Variants in MLPH observed in about 807,000 individuals in gnomAD.
MLPH encodes the protein melanophilin.
In MLPH, 51 loss-of-function variants were observed where a neutral mutation model predicts 72.1. That is an observed-to-expected ratio of 0.71 (90% CI 0.56 to 0.89). The LOEUF (loss-of-function observed/expected upper bound fraction) is 0.89, where lower values mean the gene tolerates loss of function less well. MLPH is among the 40% of genes least tolerant of loss of function. MLPH has a pLI of 0.00. For missense variants in MLPH, 743 were observed against 759.9 expected, an observed-to-expected ratio of 0.98 and a Z score of 0.26; for synonymous variants, 301 against 310.1, an observed-to-expected ratio of 0.97 and a Z score of 0.31.
Position 237,554,139 on chromosome 2 carries a change from T to C in MLPH, c.*547T>C, listed in dbSNP as rs2325813. 60,512 of 255,962 alleles carry C rather than the reference T, an allele frequency of 0.24. 10,237 individuals are homozygous for C. The highest frequency in any genetic ancestry group is 0.53 in the African/African-American group (24,065 of 45,424). The allele number at this position is 255,962 out of a possible 1,614,324, so 15.9% of individuals were successfully genotyped here. A position where few individuals can be genotyped will look rare whatever the true frequency, so the allele number is the denominator to read the frequency against. On this transcript the variant is annotated 3_prime_UTR_variant, in exon 16 of 16. Coordinates refer to ENST00000264605, the MANE Select transcript of MLPH (RefSeq NM_024101.7). ...AATGAAGGAGGAATAGACACCCCAGTCCCCACCCTACGTGCACCCGCTCTG... is the reference window on the plus strand; with the variant it reads ...AATGAAGGAGGAATAGACACCCCAGCCCCCACCCTACGTGCACCCGCTCTG...
intron 1 of MLPH, among the ~76,000 whole-genome samples, chr2:237,488,843 G>T (rs543729417): frequency 6.6e-6 from 1 of 152,186 alleles, no homozygotes; most frequent in South Asian, 2.1e-4. Flanking sequence ...CAACCACAAT[G>T]CAATAACGGC....
chr2:237,552,480 T>C (rs1480941258), intron 15 of MLPH, 43 bp downstream of exon 15: 2 of 1,512,594 alleles, frequency 1.3e-6, no homozygotes, highest in African/African-American at 2.7e-5. Context: ...TAAAGTTCAG[T>C]GACCCGTCAG....
At chr2:237,545,536 G>A (rs1192082440) in intron 12 of MLPH, 6 of 1,288,780 alleles carry the variant, frequency 4.7e-6, no homozygotes, top group African/African-American at 4.6e-5. Flanking sequence ...TCCAAAAGGA[G>A]CCGCCTGAAT....
intron 8 of MLPH, among the ~76,000 whole-genome samples, chr2:237,532,186 GC>G (rs2080433690): frequency 6.6e-6 from 1 of 152,200 alleles, no homozygotes; most frequent in Non-Finnish European, 1.5e-5. Flanking sequence ...CTCTCAATCT[GC>G]CCATCAACCC....
intron 8 of MLPH, 120 bp from the exon 9 acceptor site, chr2:237,534,444 T>C (rs1317699449): frequency 7.4e-6 from 6 of 813,820 alleles, no homozygotes; most frequent in South Asian, 4.1e-5. Flanking sequence ...TCATGGGTGG[T>C]GGCCTTAGCT....
Position 237,540,820 on chromosome 2 carries a change from C to G in MLPH, c.1309C>G (p.Gln437Glu). 1.2e-6 allele frequency: 2 copies of G among 1,613,282 alleles called. No individual in the cohort carries two copies. Among genetic ancestry groups the G allele is most frequent in the Non-Finnish European group, 1.7e-6 (2 of 1,179,980 alleles). The change falls in exon 11 of 16, where the codon CAA (glutamine) becomes GAA (glutamate). Residue 437 changes from glutamine to glutamate, a missense_variant. By Grantham distance (29) the Gln-to-Glu change is conservative. Coordinates refer to ENST00000264605, the MANE Select transcript of MLPH (RefSeq NM_024101.7). ...TTCCTAGGTGGGCACGGCTGCCCAT[C>G]AAACCAACAGACAGGAAAAAAGCCC... ...ADPEVGTAAH[Q>E]TNRQEKSPQD...
chr2:237,534,440 G>A, intron 8 of MLPH, 124 bp from the exon 9 acceptor site: 1 of 797,774 alleles, frequency 1.3e-6, no homozygotes, highest in African/African-American at 1.7e-5. Context: ...CATGTCATGG[G>A]TGGTGGCCTT....
intron 13 of MLPH, among the ~76,000 whole-genome samples, chr2:237,547,729 G>A (rs1256816706): frequency 1.5e-5 from 2 of 137,508 alleles, no homozygotes; most frequent in Admixed American, 7.1e-5. Flanking sequence ...GTGGTTAGGA[G>A]TAGGAGCAGT....
intron 2 of MLPH, among the ~76,000 whole-genome samples, chr2:237,494,218 GGAGGGCA>G (rs984936478): frequency 3.3e-5 from 5 of 151,924 alleles, no homozygotes; most frequent in East Asian, 1.9e-4. Flanking sequence ...GGCAGAGGGT[GGAGGGCA>G]GAGGGCAGAA....
chr2:237,521,868 T>C (rs368634486), intron 6 of MLPH, among the ~76,000 whole-genome samples: 95 of 114,402 alleles, frequency 8.3e-4, no homozygotes, highest in African/African-American at 2.6e-3. Flanking sequence ...AGTGCTGGAG[T>C]GGAGCAGGGC....
rs186575466 is a variant in MLPH, at chr2:237,529,980, G to A, written c.1020+2464G>A. 3.9e-5 allele frequency among the ~76,000 whole-genome samples: 6 copies of A among 152,342 alleles called. No homozygotes were observed. In the East Asian group the frequency reaches 9.6e-4, roughly 24 times the overall value. Reference sequence around the variant, plus strand: ...TTGTCAGGAAAGGCCTGGAAGCAGCGAGGACGCAGGTGGTGCACAGCTGGG... The same window carrying A: ...TTGTCAGGAAAGGCCTGGAAGCAGCAAGGACGCAGGTGGTGCACAGCTGGG... On this transcript the variant is annotated intron_variant, in intron 8 of 15. Transcript: ENST00000264605.
chr2:237,525,489 G>A, intron 6 of MLPH, 112 bp from the exon 7 acceptor site: 1 of 1,025,974 alleles, frequency 9.7e-7, no homozygotes, highest in Non-Finnish European at 1.5e-6. Flanking sequence ...CCTAGTGCTG[G>A]GTCAGTCAAG....
intron 4 of MLPH, among the ~76,000 whole-genome samples, chr2:237,513,237 G>A (rs2079945005): frequency 6.6e-6 from 1 of 152,218 alleles, no homozygotes; most frequent in Admixed American, 6.5e-5. Context: ...AACCTTCAGA[G>A]TGCTGGTGTT....
intron 2 of MLPH, among the ~76,000 whole-genome samples, chr2:237,507,062 C>CTTTTTTTTTTTTTTTTTTTTT (rs61091364): frequency 1.2e-4 from 11 of 94,540 alleles, no homozygotes; most frequent in Middle Eastern, 5.8e-3. Flanking sequence ...TTTTTTTTTT[C>CTTTTTTTTTTTTTTTTTTTTT]TTTTTTTTTT....
chr2:237,507,045 C>CT (rs2079788853), intron 2 of MLPH, among the ~76,000 whole-genome samples: 2 of 139,468 alleles, frequency 1.4e-5, no homozygotes, highest in African/African-American at 2.7e-5. Flanking sequence ...AGTTTTTTTC[C>CT]TTTTTCTTTT....
rs768707569 is a variant in MLPH at position 237,525,756 on chromosome 2, C to T, written c.831C>T (p.Cys277=). 1.9e-6 allele frequency: 3 copies of T among 1,613,832 alleles called. No homozygotes were observed. In the South Asian group the frequency reaches 3.3e-5, roughly 18 times the overall value. ...PSRHGALAEL[C]PPGGSHRMAL... is the part of the protein sequence containing the mutation. ...GACACGGCGCCCTGGCTGAGCTCTG[C>T]CCGCCTGGAGGCTCCCACAGGATGG... Residue 277 remains cysteine (C), a synonymous_variant, in exon 7 of 16, where the codon TGC becomes TGT. Coordinates refer to ENST00000264605, the MANE Select transcript of MLPH (RefSeq NM_024101.7).
intron 2 of MLPH, among the ~76,000 whole-genome samples, chr2:237,499,194 C>G (rs2079597597): frequency 1.3e-5 from 2 of 152,222 alleles, no homozygotes; most frequent in Non-Finnish European, 2.9e-5. Context: ...CTCGCCCTGA[C>G]ACCTCATATT....
intron 4 of MLPH, among the ~76,000 whole-genome samples, chr2:237,514,766 T>C (rs1481962295): frequency 3.9e-5 from 6 of 152,182 alleles, no homozygotes; most frequent in Non-Finnish European, 7.3e-5. Flanking sequence ...AGCTTTTATC[T>C]TTAAGAGAAA....
At position 237,542,577 on chromosome 2, in the gene MLPH, T is replaced by C. The variant is rs777970598; in HGVS notation, c.1457T>C (p.Ile486Thr). ...GCTGTCCTCTCGCAGGTTTCAGACA[T>C]TGAATCCAGGATTGCAGCCCTGAGG... ...VQQAESEVSD[I>T]ESRIAALRAA... Residue 486 changes from isoleucine (I) to threonine (T), a missense_variant, in exon 12 of 16, where the codon ATT (isoleucine) becomes ACT (threonine). By Grantham distance (89) the Ile-to-Thr change is moderately conservative. Coordinates refer to ENST00000264605, the MANE Select transcript of MLPH (RefSeq NM_024101.7). The C allele has an allele frequency of 6.2e-7, 1 of 1,600,276 alleles. No homozygotes were observed. Among genetic ancestry groups the C allele is most frequent in the African/African-American group, 1.3e-5 (1 of 74,700 alleles).
Sources: allele counts gnomAD v4.1 joint callset (sites outside exome capture counted in the v4.1 genomes callset), GRCh38; gene constraint gnomAD v4.1.1; transcripts MANE v1.5; gene names NCBI Gene and HGNC (gene_info 2026-07-23, HGNC 2026-07-21).